TAFA2: variants seen among roughly 807,000 people sequenced by gnomAD.
The protein encoded by TAFA2 is chemokine-like protein TAFA-2.
TAFA2 carries 7 observed loss-of-function variants against 18.8 expected under a neutral mutation model. The ratio of observed to expected loss-of-function variants is 0.37; its 90% CI spans 0.21 to 0.70. The LOEUF is 0.70. Among genes scored for constraint, TAFA2 ranks in the 30% least tolerant of loss-of-function variants. The probability of loss-of-function intolerance (pLI) is 0.53; values close to 1 mark genes in which losing one functional copy is unlikely to be tolerated. For missense variants in TAFA2, 122 were observed against 158.1 expected (o/e 0.77, Z 1.23); for synonymous variants, 60 against 54.2 (o/e 1.11, Z -0.47).
intron 2 of TAFA2, among the ~76,000 whole-genome samples, chr12:61,759,299 C>T (rs1408421484): frequency 6.6e-6 from 1 of 152,000 alleles, no homozygotes; most frequent in East Asian, 1.9e-4. Flanking sequence ...CTTCACCACT[C>T]CATTTAATTT....
At chr12:61,983,472 A>G (rs1276916919) in intron 1 of TAFA2, among the ~76,000 whole-genome samples, 3 of 151,988 alleles carry the variant, frequency 2.0e-5, no homozygotes, top group Non-Finnish European at 4.4e-5. Context: ...CAGTGGTGCA[A>G]TCTCGGCTCA....
intron 1 of TAFA2, among the ~76,000 whole-genome samples, chr12:61,996,760 C>T (rs928415851): frequency 1.3e-5 from 2 of 152,114 alleles, no homozygotes; most frequent in African/African-American, 4.8e-5. Context: ...TATGAAAGCC[C>T]TTGTCTCAGG....
chr12:62,153,748 A>G (rs2062346531), intron 1 of TAFA2, among the ~76,000 whole-genome samples: 1 of 152,134 alleles, frequency 6.6e-6, no homozygotes, highest in Admixed American at 6.5e-5. Flanking sequence ...GATGCGGAAT[A>G]AAAAGACATC....
At chr12:62,015,648 G>A (rs759322938) in intron 1 of TAFA2, among the ~76,000 whole-genome samples, 1 of 152,208 alleles carries the variant, frequency 6.6e-6, no homozygotes, top group African/African-American at 2.4e-5. Flanking sequence ...TGAAATTTAA[G>A]AGGTTACTAT....
At chr12:61,960,034 C>T (rs11174257) in intron 1 of TAFA2, among the ~76,000 whole-genome samples, 1 of 151,946 alleles carries the variant, frequency 6.6e-6, no homozygotes. Flanking sequence ...ACCACCGGAA[C>T]TAGCTTGCAG....
rs1875113634 is a variant in TAFA2, at chr12:61,881,059, C to A, written c.-1-13633G>T. On this transcript the variant is annotated intron_variant, in intron 1 of 4. Transcript: ENST00000416284. ...TGAAAACAATTCTAATGTCATATTT[C>A]CATAATATAAAATAGAATATGTTAA... is the stretch of plus-strand genomic sequence containing the variant. Among the ~76,000 whole-genome samples the A allele has an allele frequency of 3.3e-5, 5 of 152,076 alleles. No individual in the cohort carries two copies. In the South Asian group the frequency reaches 1.0e-3, roughly 32 times the overall value.
At chr12:62,162,771 T>C (rs1410252344) in intron 1 of TAFA2, among the ~76,000 whole-genome samples, 1 of 152,074 alleles carries the variant, frequency 6.6e-6, no homozygotes, top group Non-Finnish European at 1.5e-5. Context: ...GGAATTTAGA[T>C]CAACAAATAG....
chr12:62,123,615 A>G (rs1410119946), intron 1 of TAFA2, among the ~76,000 whole-genome samples: 1 of 151,918 alleles, frequency 6.6e-6, no homozygotes, highest in Non-Finnish European at 1.5e-5. Flanking sequence ...TATATCCCCC[A>G]CATTTGAAGT....
rs1878766748 is a variant in TAFA2, at chr12:61,958,282, T to C, written c.-1-90856A>G. 3.9e-5 allele frequency among the ~76,000 whole-genome samples: 6 copies of C among 152,266 alleles called. 1 individual carries two copies. In the South Asian group the frequency reaches 1.2e-3, roughly 32 times the overall value. ...GCTGCCTAGTATTCCAAAGTATGGA[T>C]ATACCCTAGTGCCTTCTTTTCTGAT... On this transcript the variant is annotated intron_variant, in intron 1 of 4. Coordinates refer to ENST00000416284, the MANE Select transcript of TAFA2 (RefSeq NM_178539.5).
At chr12:62,232,911 CTCCTCCAA>C (rs2062818137) in intron 1 of TAFA2, among the ~76,000 whole-genome samples, 1 of 151,996 alleles carries the variant, frequency 6.6e-6, no homozygotes, top group Admixed American at 6.6e-5. Flanking sequence ...AGACTTATTT[CTCCTCCAA>C]TCACCACCCC....
intron 2 of TAFA2, among the ~76,000 whole-genome samples, chr12:61,813,518 T>G (rs1871957813): frequency 6.6e-6 from 1 of 151,416 alleles, no homozygotes. Flanking sequence ...CTTTTAGGAT[T>G]TTTTCCTTTC....
chr12:61,861,453 C>CT (rs1471968863), intron 2 of TAFA2, among the ~76,000 whole-genome samples: 1 of 151,966 alleles, frequency 6.6e-6, no homozygotes. Context: ...TGGGCTCTCG[C>CT]TTTGTTGTCC....
chr12:61,718,487 A>T (rs1455195735), intron 4 of TAFA2, among the ~76,000 whole-genome samples: 1 of 152,240 alleles, frequency 6.6e-6, no homozygotes, highest in Non-Finnish European at 1.5e-5. Flanking sequence ...TTTCAGGTGC[A>T]GAATCACACA....
intron 1 of TAFA2, among the ~76,000 whole-genome samples, chr12:62,071,984 A>G (rs375556064): frequency 1.3e-5 from 2 of 152,364 alleles, no homozygotes; most frequent in East Asian, 3.9e-4. Context: ...TTAATAGCAT[A>G]TTCATAAGCA....
intron 2 of TAFA2, among the ~76,000 whole-genome samples, chr12:61,839,588 T>C (rs1241290004): frequency 6.6e-6 from 1 of 151,964 alleles, no homozygotes; most frequent in African/African-American, 2.4e-5. Flanking sequence ...TGAAATCAGG[T>C]CCTTTGCAGG....
At chr12:62,056,432 A>C (rs1005713377) in intron 1 of TAFA2, among the ~76,000 whole-genome samples, 2 of 152,200 alleles carry the variant, frequency 1.3e-5, no homozygotes, top group African/African-American at 4.8e-5. Flanking sequence ...ATATAATAAT[A>C]ATTAAATTTA....
chr12:61,877,718 C>T (rs1874915926), intron 1 of TAFA2, among the ~76,000 whole-genome samples: 1 of 152,032 alleles, frequency 6.6e-6, no homozygotes, highest in African/African-American at 2.4e-5. Context: ...CTACACAAAA[C>T]AAGTACCAGA....
At chr12:61,888,199 A>C (rs1276582041) in intron 1 of TAFA2, among the ~76,000 whole-genome samples, 1 of 152,172 alleles carries the variant, frequency 6.6e-6, no homozygotes, top group Non-Finnish European at 1.5e-5. Flanking sequence ...AGAACTAGAA[A>C]TACCATTTGA....
chr12:62,039,024 T>G (rs1330570298), intron 1 of TAFA2, among the ~76,000 whole-genome samples: 1 of 152,180 alleles, frequency 6.6e-6, no homozygotes, highest in Non-Finnish European at 1.5e-5. Context: ...GTCTGCATAT[T>G]TTCAAGAACA....
Sources: allele counts gnomAD v4.1 joint callset (sites outside exome capture counted in the v4.1 genomes callset), GRCh38; gene constraint gnomAD v4.1.1; transcripts MANE v1.5; gene names NCBI Gene and HGNC (gene_info 2026-07-23, HGNC 2026-07-21).